The following CASK variants were observed in gnomAD, a reference collection of about 807,000 sequenced individuals.
CASK encodes the protein peripheral plasma membrane protein CASK.
A neutral mutation model predicts 82.9 loss-of-function variants in CASK; 4 were observed. That is an observed-to-expected ratio of 0.05 (90% CI 0.02 to 0.11). The LOEUF (loss-of-function observed/expected upper bound fraction) is 0.11, where lower values mean the gene tolerates loss of function less well. Ranked by LOEUF, CASK falls within the 10% of genes least tolerant of loss-of-function variation. The probability of loss-of-function intolerance (pLI) is 1.00; values close to 1 mark genes in which losing one functional copy is unlikely to be tolerated. For missense variants in CASK, 358 were observed against 720.9 expected (o/e 0.50, Z 5.76); for synonymous variants, 259 against 253.5 (o/e 1.02, Z -0.20).
intron 1 of CASK, among the ~76,000 whole-genome samples, chrX:41,879,765 C>T: frequency 8.9e-6 from 1 of 112,139 alleles, no homozygotes; most frequent in East Asian, 2.8e-4. Flanking sequence ...AGACTTATGG[C>T]TATTTTTAAA....
At chrX:41,765,804 G>C (rs1249216432) in intron 3 of CASK, among the ~76,000 whole-genome samples, 1 of 111,644 alleles carries the variant, frequency 9.0e-6, no homozygotes, top group East Asian at 2.8e-4. Context: ...AGACCTTTCT[G>C]AATGAACCCT....
In CASK at chrX:41,580,772, T is replaced by C. The variant is rs369545897; in HGVS notation, c.1315-2244A>G. ...AATAAAAAATAGGGAAACCAAAATTTGAACATTTTTCTTCAAATATGTTAA... is the reference window on the plus strand; with the variant it reads ...AATAAAAAATAGGGAAACCAAAATTCGAACATTTTTCTTCAAATATGTTAA... On this transcript the variant is annotated intron_variant, in intron 14 of 26. Transcript: ENST00000378163. Among the ~76,000 whole-genome samples the C allele has an allele frequency of 9.8e-5, 11 of 112,233 alleles. No homozygotes were observed. In the South Asian group the frequency reaches 1.1e-3, roughly 11 times the overall value.
At chrX:41,810,543 T>C (rs1263093747) in intron 2 of CASK, among the ~76,000 whole-genome samples, 1 of 111,158 alleles carries the variant, frequency 9.0e-6, no homozygotes, top group Non-Finnish European at 1.9e-5. Context: ...CTGAGAGATT[T>C]TGTCACCACC....
chrX:41,904,672 C>G (rs190863561), intron 1 of CASK, among the ~76,000 whole-genome samples: 1 of 111,072 alleles, frequency 9.0e-6, no homozygotes, highest in Non-Finnish European at 1.9e-5. Context: ...TTGCATATCA[C>G]AGGGGTTTGG....
intron 11 of CASK, among the ~76,000 whole-genome samples, chrX:41,612,567 G>A (rs1317266328): frequency 4.8e-5 from 5 of 104,857 alleles, no homozygotes; most frequent in African/African-American, 1.4e-4. Context: ...CCCCGTCCGG[G>A]AGGTGAGGGG....
At chrX:41,676,331 C>G in intron 5 of CASK, 1 of 1,198,952 alleles carries the variant, frequency 8.3e-7, no homozygotes, top group Non-Finnish European at 1.1e-6. Flanking sequence ...AGATGACCTA[C>G]GGGCTCCTAA....
chrX:41,698,060 C>T (rs917275760), intron 5 of CASK: 2 of 111,392 alleles, frequency 1.8e-5, no homozygotes, highest in African/African-American at 6.5e-5. Flanking sequence ...CCTCAGCCTC[C>T]CAAAGTGCTG....
intron 21 of CASK, chrX:41,552,631 C>T (rs1427767310): frequency 8.9e-6 from 1 of 111,808 alleles, no homozygotes; most frequent in Non-Finnish European, 1.9e-5. Flanking sequence ...AACTGTTTCT[C>T]GAAGATCAGA....
At chrX:41,826,722 C>A (rs909877660) in intron 2 of CASK, among the ~76,000 whole-genome samples, 1 of 111,830 alleles carries the variant, frequency 8.9e-6, no homozygotes, top group African/African-American at 3.3e-5. Context: ...AGTGATCTGC[C>A]CACCTCGACT....
chrX:41,798,552 C>G (rs369767932), intron 2 of CASK, among the ~76,000 whole-genome samples: 7 of 112,560 alleles, frequency 6.2e-5, no homozygotes, highest in African/African-American at 2.3e-4. Context: ...TAATAAGCTG[C>G]GGCCAGGGGC....
At chrX:41,632,125 C>G (rs1358671187) in intron 9 of CASK, among the ~76,000 whole-genome samples, 2 of 110,894 alleles carry the variant, frequency 1.8e-5, no homozygotes, top group Admixed American at 9.7e-5. Context: ...GCCGGGGTCT[C>G]CTTATGTTGC....
intron 3 of CASK, among the ~76,000 whole-genome samples, chrX:41,755,085 G>A (rs1035299549): frequency 1.3e-4 from 14 of 110,146 alleles, no homozygotes; most frequent in African/African-American, 4.6e-4. Flanking sequence ...CACCATGTTG[G>A]CCAGGATGGT....
At chrX:41,524,181 C>A (rs2147068380) in intron 25 of CASK, 147 bp from the exon 26 acceptor site, 1 of 472,421 alleles carries the variant, frequency 2.1e-6, no homozygotes, top group Non-Finnish European at 3.7e-6. Context: ...AATTTACCAA[C>A]TTTATACATA....
At chrX:41,532,568 T>C (rs764662547) in intron 24 of CASK, among the ~76,000 whole-genome samples, 35 of 110,837 alleles carry the variant, frequency 3.2e-4, no homozygotes, top group Non-Finnish European at 6.4e-4. Flanking sequence ...CCTACCCCCC[T>C]TTCTTTTCTC....
chrX:41,820,360 C>G (rs2070507668), intron 2 of CASK, among the ~76,000 whole-genome samples: 1 of 110,826 alleles, frequency 9.0e-6, no homozygotes, highest in Non-Finnish European at 1.9e-5. Flanking sequence ...AACTGTATTT[C>G]TATATACTAT....
intron 25 of CASK, 97 bp downstream of exon 25, chrX:41,530,910 T>A (rs984080464): frequency 2.9e-5 from 22 of 761,013 alleles, no homozygotes; most frequent in Non-Finnish European, 4.2e-5. Flanking sequence ...GAAATTATTA[T>A]GTGACCTGTG....
intron 5 of CASK, chrX:41,727,385 C>A (rs1482337131): frequency 1.7e-6 from 2 of 1,207,887 alleles, no homozygotes; most frequent in Non-Finnish European, 2.2e-6. Flanking sequence ...CGCTATGCTA[C>A]CTTAATGCAA....
At chrX:41,649,928 G>C (rs1179585779) in intron 8 of CASK, among the ~76,000 whole-genome samples, 3 of 111,352 alleles carry the variant, frequency 2.7e-5, no homozygotes, top group Non-Finnish European at 5.7e-5. Flanking sequence ...TTTGAATCTA[G>C]GTGCTCCTGT....
At chrX:41,594,494 C>T (rs909266172) in intron 12 of CASK, among the ~76,000 whole-genome samples, 1 of 112,096 alleles carries the variant, frequency 8.9e-6, no homozygotes, top group Non-Finnish European at 1.9e-5. Context: ...CACCTTGGTA[C>T]ACTAGAAAGG....
Sources: gnomAD v4.1 joint callset for allele counts (sites outside exome capture counted in the v4.1 genomes callset) on GRCh38, gnomAD v4.1.1 for gene constraint, MANE v1.5 for transcripts, NCBI Gene and HGNC (gene_info 2026-07-23, HGNC 2026-07-21) for gene names.